PITPNC1: variants seen among roughly 807,000 people sequenced by gnomAD.
PITPNC1 encodes phosphatidylinositol transfer protein cytoplasmic 1, also known as cytoplasmic phosphatidylinositol transfer protein 1.
Under a neutral mutation model 44.7 loss-of-function variants are expected in PITPNC1, and 18 were observed. The observed-to-expected ratio is 0.40, with a 90% CI of 0.28 to 0.60. The LOEUF is 0.60. Ranked by LOEUF, PITPNC1 falls within the 20% of genes least tolerant of loss-of-function variation. The pLI is 0.39. For synonymous variants in PITPNC1, 141 were observed against 149.6 expected, an observed-to-expected ratio of 0.94 and a Z score of 0.42; for missense variants, 290 against 418.4, an observed-to-expected ratio of 0.69 and a Z score of 2.68.
chr17:67,523,297 T>A (rs2040351453), intron 1 of PITPNC1, among the ~76,000 whole-genome samples: 2 of 152,198 alleles, frequency 1.3e-5, no homozygotes, highest in African/African-American at 4.8e-5. Flanking sequence ...TCAGATTTCC[T>A]TTGGTTTTGG....
At chr17:67,560,687 C>T (rs1462214311) in intron 4 of PITPNC1, among the ~76,000 whole-genome samples, 1 of 152,182 alleles carries the variant, frequency 6.6e-6, no homozygotes, top group East Asian at 1.9e-4. Context: ...TTTGGAACAG[C>T]CAGTTTTGTT....
chr17:67,432,893 A>G (rs1327590313), intron 1 of PITPNC1, among the ~76,000 whole-genome samples: 1 of 152,218 alleles, frequency 6.6e-6, no homozygotes, highest in Non-Finnish European at 1.5e-5. Context: ...CTCTGGACAC[A>G]GGTGTGACTA....
rs1004466696 is a variant in PITPNC1, at chr17:67,694,943, C to A, written c.*2055C>A. 3 of 152,254 alleles carry A rather than the reference C, an allele frequency of 2.0e-5. No homozygotes were observed. Among genetic ancestry groups the A allele is most frequent in the African/African-American group, 7.2e-5 (3 of 41,560 alleles). 9.4% of individuals were successfully genotyped at this position (152,254 alleles called of 1,614,324 possible). On this transcript the variant is annotated 3_prime_UTR_variant, in exon 9 of 9. Transcript: ENST00000581322. ...CAAGGTGGGATGGGGTCATTATTTT[C>A]ACATAGAATGTATTTATTTTGTGCA...
chr17:67,421,835 C>T (rs1422547358), intron 1 of PITPNC1, among the ~76,000 whole-genome samples: 1 of 152,152 alleles, frequency 6.6e-6, no homozygotes, highest in African/African-American at 2.4e-5. Context: ...TTATCAAGTT[C>T]TGGGAATACA....
At chr17:67,418,860 C>T (rs904295718) in intron 1 of PITPNC1, among the ~76,000 whole-genome samples, 1 of 152,080 alleles carries the variant, frequency 6.6e-6, no homozygotes, top group Non-Finnish European at 1.5e-5. Flanking sequence ...TCTGCCTGGC[C>T]GTGAGCCACC....
chr17:67,462,224 T>C (rs1234303957), intron 1 of PITPNC1, among the ~76,000 whole-genome samples: 1 of 136,666 alleles, frequency 7.3e-6, no homozygotes, highest in African/African-American at 2.9e-5. Context: ...TTTCTTTCTT[T>C]CTTTTTTTTT....
intron 4 of PITPNC1, among the ~76,000 whole-genome samples, chr17:67,576,632 G>A (rs1455160948): frequency 1.3e-5 from 2 of 151,744 alleles, no homozygotes; most frequent in East Asian, 1.9e-4. Context: ...TAGCTAGAGC[G>A]TGGTTACACC....
At chr17:67,391,416 A>G (rs2038137788) in intron 1 of PITPNC1, among the ~76,000 whole-genome samples, 1 of 152,126 alleles carries the variant, frequency 6.6e-6, no homozygotes, top group Non-Finnish European at 1.5e-5. Context: ...ATTAAGGCCA[A>G]ATCCAGGTGT....
At chr17:67,471,273 A>G (rs985310762) in intron 1 of PITPNC1, among the ~76,000 whole-genome samples, 1 of 148,928 alleles carries the variant, frequency 6.7e-6, no homozygotes, top group African/African-American at 2.5e-5. Flanking sequence ...CATCCATATT[A>G]TTGGATGTAT....
At chr17:67,657,153 C>A (rs2042278757) in intron 6 of PITPNC1, among the ~76,000 whole-genome samples, 1 of 145,630 alleles carries the variant, frequency 6.9e-6, no homozygotes, top group Non-Finnish European at 1.5e-5. Context: ...CCTCCCCACC[C>A]CCGTTTTTTT....
At chr17:67,653,714 T>C (rs1331775309) in intron 6 of PITPNC1, among the ~76,000 whole-genome samples, 3 of 668 alleles carry the variant, frequency 4.5e-3, no homozygotes, top group Non-Finnish European at 7.8e-3. Context: ...AGATCTCATT[T>C]TCATTCCTCT....
intron 1 of PITPNC1, among the ~76,000 whole-genome samples, chr17:67,488,479 A>C (rs2039815403): frequency 6.6e-6 from 1 of 152,206 alleles, no homozygotes; most frequent in Admixed American, 6.5e-5. Flanking sequence ...ATGACACATT[A>C]ACCTTTGAAA....
intron 1 of PITPNC1, among the ~76,000 whole-genome samples, chr17:67,394,399 C>A (rs1221355627): frequency 6.6e-6 from 1 of 152,092 alleles, no homozygotes; most frequent in Non-Finnish European, 1.5e-5. Flanking sequence ...ACCTTTTCTC[C>A]CTAGTAGGAA....
chr17:67,676,812 G>A lies in PITPNC1; in HGVS notation c.682+1270G>A, dbSNP rs2042611222. ...TAAAAGGCATGGTTCTATAAGCTAT[G>A]GGCTTTTCTTTTTTTTTTCTTTTTT... On this transcript the variant is annotated intron_variant, in intron 8 of 8. Coordinates refer to ENST00000581322, the MANE Select transcript of PITPNC1 (RefSeq NM_012417.4). The surrounding 1 kb of genome is among the most constrained non-coding windows in gnomAD (Gnocchi z 4.0). Among the ~76,000 whole-genome samples, 1 of 152,006 alleles carries A rather than the reference G, an allele frequency of 6.6e-6. No homozygotes were observed. The highest frequency in any genetic ancestry group is 1.5e-5 in the Non-Finnish European group (1 of 68,018).
At chr17:67,666,291 C>T (rs889246277) in intron 6 of PITPNC1, among the ~76,000 whole-genome samples, 2 of 152,200 alleles carry the variant, frequency 1.3e-5, no homozygotes, top group African/African-American at 2.4e-5. Context: ...CCACTGTGCC[C>T]GGCCCCTAAG....
intron 1 of PITPNC1, among the ~76,000 whole-genome samples, chr17:67,420,542 C>G (rs986863908): frequency 3.3e-5 from 5 of 151,938 alleles, no homozygotes; most frequent in African/African-American, 1.2e-4. Flanking sequence ...AAGCGAGCCT[C>G]TCACTCACCC....
chr17:67,484,360 T>C (rs545240502), intron 1 of PITPNC1, among the ~76,000 whole-genome samples: 48 of 152,330 alleles, frequency 3.2e-4, no homozygotes, highest in African/African-American at 1.1e-3. Flanking sequence ...TAGCCAACTT[T>C]TTCCATATTA....
chr17:67,446,965 C>T (rs143094355), intron 1 of PITPNC1, among the ~76,000 whole-genome samples: 2,693 of 151,616 alleles, frequency 0.018, 110 homozygotes, highest in African/African-American at 0.062. Context: ...TGGCGGGCAC[C>T]TGTAATCGCA....
At chr17:67,618,569 G>A (rs1481418549) in intron 5 of PITPNC1, among the ~76,000 whole-genome samples, 1 of 151,732 alleles carries the variant, frequency 6.6e-6, no homozygotes, top group Non-Finnish European at 1.5e-5. Context: ...TGGCCAACAT[G>A]GTGAAACCCC....
Sources: allele counts gnomAD v4.1 joint callset (sites outside exome capture counted in the v4.1 genomes callset), GRCh38; gene constraint gnomAD v4.1.1; non-coding constraint Gnocchi (gnomAD v3.1); transcripts MANE v1.5; gene names NCBI Gene and HGNC (gene_info 2026-07-23, HGNC 2026-07-21).